The following SPATA31A3 variants were observed in gnomAD, a reference collection of about 807,000 sequenced individuals.
SPATA31A3 encodes the protein spermatogenesis-associated protein 31A3.
For missense variants in SPATA31A3, 132 were observed against 1,094.6 expected (o/e 0.12, Z 12.41); for synonymous variants, 47 against 419.3 (o/e 0.11, Z 10.85).
At chr9:66,987,479 C>T in exon 4 of SPATA31A3, 1 of 1,232,886 alleles carries the variant, frequency 8.1e-7, no homozygotes, top group Non-Finnish European at 1.1e-6. Context: ...ACAACCTCCT[C>T]CATAAGACAC....
In SPATA31A3 at chr9:66,988,662, G is replaced by A. The variant is rs1294389865; in HGVS notation, c.1836C>T (p.Gly612=). 2.6e-6 allele frequency: 3 copies of A among 1,163,292 alleles called. 1 individual carries two copies. Among genetic ancestry groups the A allele is most frequent in the South Asian group, 1.3e-5 (1 of 74,962 alleles). 72.1% of individuals were successfully genotyped at this position (1,163,292 alleles called of 1,614,324 possible). The change falls in exon 4 of 4, where the codon GGC becomes GGT. Residue 612 remains glycine, a synonymous_variant. Transcript: ENST00000428649. ...GAGACTCTTGGATCCTTCCCAGGTT[G>A]CCCCAGTGTTGGATGATCCACTTTT...
chr9:66,991,886 C>T (rs1338828659), intron 1 of SPATA31A3, among the ~76,000 whole-genome samples: 1 of 13,324 alleles, frequency 7.5e-5, no homozygotes, highest in African/African-American at 3.5e-4. Context: ...GATTCTGCTT[C>T]CCAGGAGACC....
chr9:66,989,936 CT>C lies in SPATA31A3; in HGVS notation c.561del (p.Glu188AsnfsTer6). 6 of 1,604,760 alleles carry C rather than the reference CT, an allele frequency of 3.7e-6. No homozygotes were observed. Among genetic ancestry groups the C allele is most frequent in the Non-Finnish European group, 5.1e-6 (6 of 1,176,730 alleles). On this transcript the variant is annotated frameshift_variant, in exon 4 of 4. Coordinates refer to ENST00000428649, the Ensembl canonical transcript of SPATA31A3. LOFTEE classifies it low-confidence loss of function (END_TRUNC). Reference sequence around the variant, plus strand: ...GGGTGTTCTAGGGGAAGGGAAGGTTCTGGTGGCTGGGAGGCACTTAGGGAGG... The same window carrying C: ...GGGTGTTCTAGGGGAAGGGAAGGTTCGGTGGCTGGGAGGCACTTAGGGAGG...
rs1325932970 is a variant in SPATA31A3 at position 66,988,621 on chromosome 9, A to G, written c.1877T>C (p.Leu626Pro). 10 of 1,171,758 alleles carry G rather than the reference A, an allele frequency of 8.5e-6. 4 individuals are homozygous for G. Among genetic ancestry groups the G allele is most frequent in the South Asian group, 1.3e-5 (1 of 75,328 alleles). 72.6% of individuals were successfully genotyped at this position (1,171,758 alleles called of 1,614,324 possible). Reference sequence around the variant, plus strand: ...ACTTGTCCCTGGTGATTCGTCCTGAAGCTGCATCAGATCCAGAGACTCTTG... The same window carrying G: ...ACTTGTCCCTGGTGATTCGTCCTGAGGCTGCATCAGATCCAGAGACTCTTG... Residue 626 changes from leucine to proline, a missense_variant, in exon 4 of 4, where the codon CTT becomes CCT. Leu to Pro is a moderately conservative substitution (Grantham distance 98, BLOSUM62 -3). Coordinates refer to ENST00000428649, the Ensembl canonical transcript of SPATA31A3.
At chr9:66,986,811 G>GGCATGGCGC in exon 4 of SPATA31A3, 1 of 1,589,068 alleles carries the variant, frequency 6.3e-7, no homozygotes, top group Non-Finnish European at 8.5e-7. Flanking sequence ...TTACCTTCGA[G>GGCATGGCGC]GCATGGCGCG....
chr9:66,988,535 C>T, exon 4 of SPATA31A3: 1 of 1,261,912 alleles, frequency 7.9e-7, no homozygotes, highest in South Asian at 1.2e-5. Flanking sequence ...TTCTGTGCCT[C>T]CTTGCTGCTT....
chr9:66,991,947 C>T (rs1823328682), intron 1 of SPATA31A3, among the ~76,000 whole-genome samples: 1 of 12,722 alleles, frequency 7.9e-5, no homozygotes, highest in Non-Finnish European at 1.4e-4. Flanking sequence ...CAGCACAGGC[C>T]CCAGATCACC....
Position 66,989,967 on chromosome 9 carries a change from TG to T in SPATA31A3, c.530del (p.Ser177Ter). 6.2e-7 allele frequency: 1 copy of T among 1,610,410 alleles called. No individual in the cohort carries two copies. On this transcript the variant is annotated frameshift_variant, in exon 4 of 4. Coordinates refer to ENST00000428649, the Ensembl canonical transcript of SPATA31A3. LOFTEE classifies it low-confidence loss of function (END_TRUNC). ...GCTGGGAGGCACTTAGGGAGGAGAC[TG>T]AGGTGGTCATTGGGCCTGGTGATGG...
At chr9:66,986,681 G>A in exon 4 of SPATA31A3, 4 of 1,075,220 alleles carry the variant, frequency 3.7e-6, no homozygotes, top group African/African-American at 2.8e-5. Flanking sequence ...TGGCTCTTGA[G>A]AGTGGCTTGT....
In SPATA31A3 at chr9:66,988,557, C is replaced by T. The variant is rs573554207; in HGVS notation, c.1941G>A (p.Met647Ile). 85 of 1,245,430 alleles carry T rather than the reference C, an allele frequency of 6.8e-5. 25 individuals carry two copies. In the South Asian group the frequency reaches 8.8e-4, roughly 13 times the overall value. The allele number at this position is 1,245,430 out of a possible 1,614,324, so 77.1% of individuals were successfully genotyped here. A position where few individuals can be genotyped will look rare whatever the true frequency, so the allele number is the denominator to read the frequency against. ...CCTCCTTGCTGCTTTCACCTGTGGA[C>T]ATGGAGGACTGCCAGGGACTGGGTT... Residue 647 changes from methionine to isoleucine, a missense_variant, in exon 4 of 4, where the codon ATG becomes ATA. By Grantham distance (10) the Met-to-Ile change is conservative (BLOSUM62 1). Transcript: ENST00000428649.
rs1211397936 is a variant in SPATA31A3, at chr9:66,987,184, G to A, written c.3314C>T (p.Pro1105Leu). The change falls in exon 4 of 4, where the codon CCC (proline) becomes CTC (leucine). Residue 1105 changes from proline (P) to leucine (L), a missense_variant. Physicochemically the swap from Pro to Leu is moderately conservative, Grantham distance 98 (BLOSUM62 -3). Coordinates refer to ENST00000428649, the Ensembl canonical transcript of SPATA31A3. ...AAACTTCTCACTCTTGTGAATAGGG[G>A]GAAACATTGGCCTTTGGCTCTTGCA... is the stretch of plus-strand genomic sequence containing the variant. 3 of 1,181,652 alleles carry A rather than the reference G, an allele frequency of 2.5e-6. 1 individual carries two copies. The highest frequency in any genetic ancestry group is 3.6e-6 in the Non-Finnish European group (3 of 830,856). 73.2% of individuals were successfully genotyped at this position (1,181,652 alleles called of 1,614,324 possible). A position where few individuals can be genotyped will look rare whatever the true frequency, so the allele number is the denominator to read the frequency against.
At chr9:66,991,734 TACAC>T (rs55996942) in intron 1 of SPATA31A3, among the ~76,000 whole-genome samples, 45 of 54,892 alleles carry the variant, frequency 8.2e-4, no homozygotes, top group South Asian at 1.7e-3. Flanking sequence ...AAAATAAAAA[TACAC>T]ACACACACAC....
intron 1 of SPATA31A3, 149 bp from the exon 2 acceptor site, chr9:66,991,280 CTCTG>C: frequency 1.4e-6 from 1 of 693,446 alleles, no homozygotes; most frequent in Non-Finnish European, 2.7e-6. Context: ...GCATGGCTCT[CTCTG>C]TCTTGCTCAG....
At chr9:66,989,681 A>ATTT (rs1823283545) in exon 4 of SPATA31A3, 1 of 653,292 alleles carries the variant, frequency 1.5e-6, no homozygotes, top group African/African-American at 2.0e-5. Flanking sequence ...TGACTGTTTG[A>ATTT]GCCACCAAGG....
chr9:66,991,728 TAA>T (rs1823326620), intron 1 of SPATA31A3, among the ~76,000 whole-genome samples: 1 of 72,920 alleles, frequency 1.4e-5, no homozygotes, highest in Non-Finnish European at 2.6e-5. Context: ...ACAAATAAAA[TAA>T]AAATACACAC....
In SPATA31A3 at chr9:66,987,728, AT is replaced by A; in HGVS notation, c.2769del (p.Ser924LeufsTer18). 1 of 1,598,516 alleles carries A rather than the reference AT, an allele frequency of 6.3e-7. No homozygotes were observed. Among genetic ancestry groups the A allele is most frequent in the Non-Finnish European group, 8.5e-7 (1 of 1,177,802 alleles). ...GTGAGGCTGTACGTGAGGGGCTTAG[AT>A]GGCCACCTGCCCTCCTGTCCAGCTG... On this transcript the variant is annotated frameshift_variant, in exon 4 of 4. Coordinates refer to ENST00000428649, the Ensembl canonical transcript of SPATA31A3. LOFTEE classifies it low-confidence loss of function (END_TRUNC).
Position 66,987,221 on chromosome 9 carries a change from A to G in SPATA31A3, c.3277T>C (p.Cys1093Arg), listed in dbSNP as rs766850588. Residue 1093 changes from cysteine (C) to arginine (R), a missense_variant, in exon 4 of 4, where the codon TGT (cysteine) becomes CGT (arginine). Cys to Arg is a radical substitution (Grantham distance 180, BLOSUM62 -3). Transcript: ENST00000428649. The stretch of plus-strand genomic sequence containing the variant: ...CTTTGGCTCTTGCATGAGCCTTGAC[A>G]GTTTGGTTTTCTGGGCTCCTCGTGC... 9.3e-6 allele frequency: 11 copies of G among 1,180,970 alleles called. 2 individuals are homozygous for G. The East Asian group carries it at 1.6e-4, about 17-fold the overall frequency. 73.2% of individuals were successfully genotyped at this position (1,180,970 alleles called of 1,614,324 possible). A position where few individuals can be genotyped will look rare whatever the true frequency, so the allele number is the denominator to read the frequency against.
At chr9:66,990,026 G>C (rs1479462260) in exon 4 of SPATA31A3, 1 of 1,613,642 alleles carries the variant, frequency 6.2e-7, no homozygotes, top group African/African-American at 1.3e-5. Context: ...TGCTTGGCTT[G>C]AGGATCCGGG....
chr9:66,990,014 G>T, exon 4 of SPATA31A3: 1 of 1,613,656 alleles, frequency 6.2e-7, no homozygotes. Flanking sequence ...AGATCCTGAG[G>T]ATGCTTGGCT....
Sources: allele counts gnomAD v4.1 joint callset (sites outside exome capture counted in the v4.1 genomes callset), GRCh38; gene constraint gnomAD v4.1.1; transcripts MANE v1.5; gene names NCBI Gene and HGNC (gene_info 2026-07-23, HGNC 2026-07-21).